Variants in ZNF423 observed in about 807,000 individuals in gnomAD.
ZNF423 encodes the protein Ebf-associated zinc finger protein.
Under a neutral mutation model 95.8 loss-of-function variants are expected in ZNF423, and 12 were observed. The ratio of observed to expected loss-of-function variants is 0.13; its 90% CI spans 0.08 to 0.20. ZNF423 has a LOEUF of 0.20. ZNF423 is among the 10% of genes least tolerant of loss of function. ZNF423 has a pLI of 1.00. For synonymous variants in ZNF423, 749 were observed against 711.9 expected (o/e 1.05, Z -0.83); for missense variants, 1,316 against 1,737.1 (o/e 0.76, Z 4.31).
chr16:49,723,090 G>C (rs544177120), intron 3 of ZNF423, among the ~76,000 whole-genome samples: 3 of 151,670 alleles, frequency 2.0e-5, no homozygotes, highest in Non-Finnish European at 4.4e-5. Flanking sequence ...CGAGTAGCTG[G>C]GACTACAGGC....
chr16:49,552,053 G>A (rs1969660381), intron 5 of ZNF423, among the ~76,000 whole-genome samples: 1 of 152,216 alleles, frequency 6.6e-6, no homozygotes, highest in African/African-American at 2.4e-5. Context: ...GGCTTCTCTT[G>A]AAAACTCAGA....
intron 3 of ZNF423, among the ~76,000 whole-genome samples, chr16:49,671,180 C>T (rs1276076634): frequency 6.6e-6 from 1 of 152,174 alleles, no homozygotes; most frequent in Non-Finnish European, 1.5e-5. Flanking sequence ...ACCCAGGGGG[C>T]ACAGAAGAAA....
At chr16:49,497,204 C>T (rs1405086995) in intron 7 of ZNF423, among the ~76,000 whole-genome samples, 1 of 151,960 alleles carries the variant, frequency 6.6e-6, no homozygotes, top group Admixed American at 6.6e-5. Context: ...TCCACTCACC[C>T]ATCCATCCAT....
At chr16:49,612,409 T>TAAAAAAAAAAAAA (rs35731470) in intron 5 of ZNF423, among the ~76,000 whole-genome samples, 1 of 128,960 alleles carries the variant, frequency 7.8e-6, no homozygotes, top group Non-Finnish European at 1.7e-5. Context: ...ATAGGTACAG[T>TAAAAAAAAAAAAA]AAAAAAAAAA....
chr16:49,717,200 G>T (rs1421315738), intron 3 of ZNF423, among the ~76,000 whole-genome samples: 1 of 152,084 alleles, frequency 6.6e-6, no homozygotes, highest in Non-Finnish European at 1.5e-5. Flanking sequence ...GGGGTGGACA[G>T]GTCTCATCCC....
rs1486423450 is a variant in ZNF423, at chr16:49,487,721, C to G, written c.*3554G>C. ...TTTTAAGCCACCTAGAATTGAAACT[C>G]CATAGGAATACAGCTCTCTAAGGGT... On this transcript the variant is annotated 3_prime_UTR_variant, in exon 8 of 8. Coordinates refer to ENST00000563137, the MANE Select transcript of ZNF423 (RefSeq NM_001379286.1). 6.6e-6 allele frequency: 1 copy of G among 152,238 alleles called. No homozygotes were observed. The highest frequency in any genetic ancestry group is 2.4e-5 in the African/African-American group (1 of 41,454). The allele number at this position is 152,238 out of a possible 1,614,324, so 9.4% of individuals were successfully genotyped here. A position where few individuals can be genotyped will look rare whatever the true frequency, so the allele number is the denominator to read the frequency against.
intron 2 of ZNF423, among the ~76,000 whole-genome samples, chr16:49,769,336 C>T (rs1312616907): frequency 7.0e-6 from 1 of 142,372 alleles, no homozygotes; most frequent in Non-Finnish European, 1.5e-5. Context: ...GCCTGGGCAA[C>T]AGAATGAGAC....
chr16:49,759,412 A>C (rs1346846650), intron 2 of ZNF423, among the ~76,000 whole-genome samples: 5 of 152,010 alleles, frequency 3.3e-5, no homozygotes, highest in African/African-American at 1.2e-4. Flanking sequence ...AAAAAAAAAA[A>C]GGAAAGCTTG....
chr16:49,815,723 CGCAGGCTTGGGTATAA>C, intron 1 of ZNF423, among the ~76,000 whole-genome samples: 1 of 151,462 alleles, frequency 6.6e-6, no homozygotes, highest in South Asian at 2.1e-4. Flanking sequence ...GAACAGAGCA[CGCAGGCTTGGGTATAA>C]GCAGGCAGCA....
chr16:49,716,300 A>G (rs114001024), intron 3 of ZNF423, among the ~76,000 whole-genome samples: 3,350 of 151,824 alleles, frequency 0.022, 126 homozygotes, highest in African/African-American at 0.077. Flanking sequence ...TGACCTCATC[A>G]CCCCCATCAT....
At chr16:49,793,717 G>A (rs1425733763) in intron 1 of ZNF423, among the ~76,000 whole-genome samples, 1 of 152,140 alleles carries the variant, frequency 6.6e-6, no homozygotes, top group Non-Finnish European at 1.5e-5. Flanking sequence ...GGGGGCAAGT[G>A]TGTGACACAG....
At chr16:49,751,731 A>G (rs758092125) in intron 2 of ZNF423, among the ~76,000 whole-genome samples, 9 of 152,210 alleles carry the variant, frequency 5.9e-5, no homozygotes, top group Non-Finnish European at 1.3e-4. Context: ...GAGTGTCGGG[A>G]GAGGAAGAAG....
At chr16:49,676,150 G>C (rs924869404) in intron 3 of ZNF423, among the ~76,000 whole-genome samples, 5 of 152,242 alleles carry the variant, frequency 3.3e-5, no homozygotes, top group African/African-American at 1.2e-4. Flanking sequence ...GATACAGTGG[G>C]CAAACGGGAA....
intron 6 of ZNF423, among the ~76,000 whole-genome samples, chr16:49,525,098 T>C (rs1216014877): frequency 2.6e-5 from 4 of 152,180 alleles, no homozygotes; most frequent in Non-Finnish European, 1.5e-5. Flanking sequence ...TTCTAGCTCC[T>C]GTGTGCAGAG....
At chr16:49,685,911 C>T (rs77327973) in intron 3 of ZNF423, among the ~76,000 whole-genome samples, 1 of 152,148 alleles carries the variant, frequency 6.6e-6, no homozygotes, top group African/African-American at 2.4e-5. Context: ...CCACCAATCC[C>T]CCCAACATGC....
chr16:49,803,465 T>C (rs1339310556), intron 1 of ZNF423, among the ~76,000 whole-genome samples: 2 of 152,104 alleles, frequency 1.3e-5, no homozygotes, highest in Non-Finnish European at 2.9e-5. Context: ...AGAAGCTTGA[T>C]TGCTAGGACA....
chr16:49,628,140 G>A (rs190203957), intron 4 of ZNF423, among the ~76,000 whole-genome samples: 36 of 100,186 alleles, frequency 3.6e-4, no homozygotes, highest in Admixed American at 3.5e-3. Context: ...TCCATCCATC[G>A]TCCATCTACC....
chr16:49,696,391 G>A (rs748386084), intron 3 of ZNF423, among the ~76,000 whole-genome samples: 1 of 152,192 alleles, frequency 6.6e-6, no homozygotes, highest in African/African-American at 2.4e-5. Context: ...CCAAGCTCTA[G>A]CTCCAAACAA....
chr16:49,731,035 A>T (rs1168007730), intron 2 of ZNF423, 64 bp from the exon 3 acceptor site: 1 of 1,562,810 alleles, frequency 6.4e-7, no homozygotes, highest in Non-Finnish European at 8.8e-7. Flanking sequence ...TTTTAAAAGA[A>T]TCGCCCGGCA....
Sources: gnomAD v4.1 joint callset for allele counts (sites outside exome capture counted in the v4.1 genomes callset) on GRCh38, gnomAD v4.1.1 for gene constraint, MANE v1.5 for transcripts, NCBI Gene and HGNC (gene_info 2026-07-23, HGNC 2026-07-21) for gene names.